The following LRBA variants were observed in gnomAD, a reference collection of about 807,000 sequenced individuals.
LRBA encodes the protein lipopolysaccharide-responsive and beige-like anchor protein.
LRBA carries 176 observed loss-of-function variants against 330.0 expected under a neutral mutation model. The observed-to-expected ratio is 0.53, with a 90% CI of 0.47 to 0.60. LRBA has a LOEUF of 0.60. LRBA is among the 20% of genes least tolerant of loss of function. The probability of loss-of-function intolerance (pLI) is 0.00; values close to 1 mark genes in which losing one functional copy is unlikely to be tolerated. For synonymous variants in LRBA, 1,230 were observed against 1,193.0 expected (o/e 1.03, Z -0.64); for missense variants, 3,259 against 3,444.8 (o/e 0.95, Z 1.35).
At chr4:150,358,138 C>A (rs1338076463) in intron 47 of LRBA, among the ~76,000 whole-genome samples, 1 of 152,080 alleles carries the variant, frequency 6.6e-6, no homozygotes, top group African/African-American at 2.4e-5. Context: ...ATGGGGAGAC[C>A]ACATATTCTT....
chr4:150,779,290 CAT>C (rs1737840347), intron 34 of LRBA, among the ~76,000 whole-genome samples: 1 of 152,050 alleles, frequency 6.6e-6, no homozygotes, highest in African/African-American at 2.4e-5. Flanking sequence ...GCCAGAAATA[CAT>C]ATGTGTTTCT....
At chr4:150,603,363 T>C (rs1008701073) in intron 37 of LRBA, among the ~76,000 whole-genome samples, 1 of 152,250 alleles carries the variant, frequency 6.6e-6, no homozygotes, top group African/African-American at 2.4e-5. Flanking sequence ...TTTCTACATA[T>C]ACGTCATCTA....
At chr4:150,347,762 A>G (rs1736590933) in intron 48 of LRBA, among the ~76,000 whole-genome samples, 1 of 152,224 alleles carries the variant, frequency 6.6e-6, no homozygotes, top group Non-Finnish European at 1.5e-5. Context: ...AAAAAATATA[A>G]TTGAGCTTAC....
intron 47 of LRBA, among the ~76,000 whole-genome samples, chr4:150,386,550 G>GCTCCAGCT (rs1279967516): frequency 1.3e-5 from 2 of 151,748 alleles, no homozygotes; most frequent in African/African-American, 2.4e-5. Context: ...AGTTTGCTGA[G>GCTCCAGCT]GATAATGGCC....
At chr4:150,689,377 G>A (rs1201860373) in intron 36 of LRBA, among the ~76,000 whole-genome samples, 1 of 151,952 alleles carries the variant, frequency 6.6e-6, no homozygotes, top group Non-Finnish European at 1.5e-5. Flanking sequence ...GTTGATGGGT[G>A]CAGCAAACCA....
chr4:150,744,262 ATT>A lies in LRBA; in HGVS notation c.5646-8898_5646-8897del, dbSNP rs1375198208. ...CTAGAGACCTAAAACCACATTGTGA[ATT>A]TAACATCAATATATTGCCTTGTACT... On this transcript the variant is annotated intron_variant, in intron 35 of 56. Transcript: ENST00000651943. 2.0e-5 allele frequency among the ~76,000 whole-genome samples: 3 copies of A among 152,316 alleles called. No individual in the cohort carries two copies. The East Asian group carries it at 5.8e-4, about 29-fold the overall frequency.
intron 34 of LRBA, among the ~76,000 whole-genome samples, chr4:150,779,008 C>T (rs1164368899): frequency 6.6e-6 from 1 of 151,904 alleles, no homozygotes; most frequent in African/African-American, 2.4e-5. Flanking sequence ...AAGTATTTAC[C>T]AACTGAATTA....
chr4:150,512,194 C>T (rs970505321), intron 40 of LRBA, among the ~76,000 whole-genome samples: 4 of 152,098 alleles, frequency 2.6e-5, no homozygotes, highest in Admixed American at 6.5e-5. Context: ...TTTAAAATAG[C>T]GAACTGTGTA....
At chr4:150,724,467 C>G (rs1313947423) in intron 36 of LRBA, among the ~76,000 whole-genome samples, 1 of 152,114 alleles carries the variant, frequency 6.6e-6, no homozygotes, top group Non-Finnish European at 1.5e-5. Context: ...CAGTCACAAA[C>G]AAGCCCAGAC....
At chr4:150,808,628 A>G (rs1743158039) in intron 31 of LRBA, among the ~76,000 whole-genome samples, 1 of 152,216 alleles carries the variant, frequency 6.6e-6, no homozygotes, top group South Asian at 2.1e-4. Context: ...CCATGAGCTG[A>G]AGAAGCAAGA....
At chr4:150,615,953 G>A (rs947972649) in intron 37 of LRBA, among the ~76,000 whole-genome samples, 1 of 152,050 alleles carries the variant, frequency 6.6e-6, no homozygotes, top group Non-Finnish European at 1.5e-5. Context: ...TGGAAGCCAA[G>A]AACTAAGGAT....
intron 35 of LRBA, among the ~76,000 whole-genome samples, chr4:150,759,630 T>C (rs1362456545): frequency 2.0e-5 from 3 of 152,214 alleles, no homozygotes; most frequent in East Asian, 3.8e-4. Flanking sequence ...CTCCATATTT[T>C]TTCTCACAGT....
intron 2 of LRBA, among the ~76,000 whole-genome samples, chr4:150,982,079 T>C (rs2149606691): frequency 6.6e-6 from 1 of 150,748 alleles, no homozygotes; most frequent in South Asian, 2.1e-4. Flanking sequence ...CAATGAAAAA[T>C]AATAAATGTA....
chr4:150,423,767 A>C lies in LRBA; in HGVS notation c.7042-8177T>G, dbSNP rs150848056. 1,396 of 168,754 alleles carry C rather than the reference A, an allele frequency of 8.3e-3. 19 individuals are homozygous for C. Among genetic ancestry groups the C allele is most frequent in the African/African-American group, 0.027 (1,123 of 41,632 alleles). The allele number at this position is 168,754 out of a possible 1,614,324, so 10.5% of individuals were successfully genotyped here. ...CACGTGGGCTCCGTCCCCTTAGGGG[A>C]CGCCCCTGTAGGTTAGTTCTTACTC... is the stretch of plus-strand genomic sequence containing the variant. On this transcript the variant is annotated intron_variant, in intron 46 of 56. Coordinates refer to ENST00000651943, the MANE Select transcript of LRBA (RefSeq NM_001364905.1).
intron 36 of LRBA, among the ~76,000 whole-genome samples, chr4:150,692,592 G>T (rs1281884585): frequency 6.6e-6 from 1 of 152,128 alleles, no homozygotes; most frequent in East Asian, 1.9e-4. Context: ...CAAAAAATAG[G>T]CTCATATAGC....
At chr4:150,426,565 C>T (rs529042237) in intron 46 of LRBA, among the ~76,000 whole-genome samples, 11 of 151,830 alleles carry the variant, frequency 7.2e-5, no homozygotes, top group African/African-American at 1.9e-4. Flanking sequence ...TGGGATAATG[C>T]GGAATTCTAT....
chr4:150,878,315 G>T (rs549355015), intron 17 of LRBA, among the ~76,000 whole-genome samples: 10 of 152,060 alleles, frequency 6.6e-5, no homozygotes, highest in Non-Finnish European at 1.2e-4. Flanking sequence ...CTCCAGCCTG[G>T]GTGACAGAGC....
At chr4:150,741,747 T>C (rs1454203815) in intron 35 of LRBA, among the ~76,000 whole-genome samples, 2 of 152,152 alleles carry the variant, frequency 1.3e-5, no homozygotes, top group Non-Finnish European at 2.9e-5. Flanking sequence ...TCACTAACAA[T>C]ATTGAGCAAA....
At chr4:150,494,370 G>C (rs1759318049) in intron 40 of LRBA, among the ~76,000 whole-genome samples, 1 of 152,112 alleles carries the variant, frequency 6.6e-6, no homozygotes, top group African/African-American at 2.4e-5. Flanking sequence ...TGATATGTTA[G>C]GAATATCACA....
Sources: allele counts gnomAD v4.1 joint callset (sites outside exome capture counted in the v4.1 genomes callset), GRCh38; gene constraint gnomAD v4.1.1; transcripts MANE v1.5; gene names NCBI Gene and HGNC (gene_info 2026-07-23, HGNC 2026-07-21).